The following LRP1B variants were observed in gnomAD, a reference collection of about 807,000 sequenced individuals.
LRP1B encodes low-density lipoprotein receptor-related protein 1B.
In LRP1B, 217 loss-of-function variants were observed where a neutral mutation model predicts 556.6. That is an observed-to-expected ratio of 0.39 (90% CI 0.35 to 0.44). The LOEUF is 0.44. Ranked by LOEUF, LRP1B falls within the 20% of genes least tolerant of loss-of-function variation. The pLI, the probability that LRP1B is intolerant of heterozygous loss-of-function variation, is 1.00. For missense variants in LRP1B, 5,053 were observed against 5,620.8 expected (o/e 0.90, Z 3.23); for synonymous variants, 2,047 against 1,865.8 (o/e 1.10, Z -2.50).
At chr2:141,361,138 T>C (rs958371099) in intron 3 of LRP1B, among the ~76,000 whole-genome samples, 1 of 152,110 alleles carries the variant, frequency 6.6e-6, no homozygotes, top group Admixed American at 6.5e-5. Flanking sequence ...CACCAAACTA[T>C]ATGAAAGTTT....
chr2:140,395,688 A>T (rs1684217238), intron 66 of LRP1B, among the ~76,000 whole-genome samples: 1 of 152,214 alleles, frequency 6.6e-6, no homozygotes, highest in East Asian at 1.9e-4. Context: ...ATTGCCAATG[A>T]CATATTTTCT....
intron 2 of LRP1B, among the ~76,000 whole-genome samples, chr2:141,524,119 C>A (rs1684614656): frequency 6.6e-6 from 1 of 152,092 alleles, no homozygotes; most frequent in Non-Finnish European, 1.5e-5. Flanking sequence ...GTGAACTTAA[C>A]TTTCCTCCAC....
chr2:142,049,280 G>A (rs1704364598), intron 1 of LRP1B, among the ~76,000 whole-genome samples: 1 of 152,034 alleles, frequency 6.6e-6, no homozygotes, highest in Non-Finnish European at 1.5e-5. Context: ...CTAGCACAGA[G>A]ATTAAAAAAT....
chr2:141,286,279 A>C lies in LRP1B; in HGVS notation c.344-31638T>G, dbSNP rs546921756. 8.1e-4 allele frequency among the ~76,000 whole-genome samples: 124 copies of C among 152,248 alleles called. 1 individual carries two copies. The highest frequency in any genetic ancestry group is 6.4e-3 in the South Asian group (31 of 4,826). ...ATTGTATAATAATTTTCACATTTAA[A>C]GTCAACCTTGCTTTCCTAAGCTAAA... On this transcript the variant is annotated intron_variant, in intron 3 of 90. Coordinates refer to ENST00000389484, the MANE Select transcript of LRP1B (RefSeq NM_018557.3).
At chr2:140,777,203 G>A (rs1689528859) in intron 32 of LRP1B, among the ~76,000 whole-genome samples, 1 of 152,104 alleles carries the variant, frequency 6.6e-6, no homozygotes, top group South Asian at 2.1e-4. Flanking sequence ...TTAAAATAAG[G>A]TTATTTAACT....
chr2:140,568,890 G>T (rs1422194523), intron 43 of LRP1B, among the ~76,000 whole-genome samples: 1 of 151,906 alleles, frequency 6.6e-6, no homozygotes. Context: ...GCCAAGAAAA[G>T]CTAACCTTTA....
chr2:140,989,502 A>G (rs1697023749), intron 17 of LRP1B, 30 bp downstream of exon 17: 3 of 1,611,028 alleles, frequency 1.9e-6, no homozygotes, highest in Non-Finnish European at 2.5e-6. Context: ...TTTGGAGGAG[A>G]TTTACGTGTA....
chr2:141,209,014 A>T (rs1682422954), intron 6 of LRP1B, among the ~76,000 whole-genome samples: 1 of 151,952 alleles, frequency 6.6e-6, no homozygotes, highest in South Asian at 2.1e-4. Flanking sequence ...GGATGCTAAT[A>T]TGTATTAGAT....
intron 5 of LRP1B, among the ~76,000 whole-genome samples, chr2:141,243,419 C>A (rs1409160886): frequency 2.6e-5 from 4 of 151,984 alleles, no homozygotes; most frequent in African/African-American, 9.7e-5. Flanking sequence ...AAGTTTGCGG[C>A]TGCAGTGAGC....
At chr2:141,323,482 A>C (rs1206063805) in intron 3 of LRP1B, among the ~76,000 whole-genome samples, 1 of 152,108 alleles carries the variant, frequency 6.6e-6, no homozygotes, top group African/African-American at 2.4e-5. Flanking sequence ...CTTGTCATGT[A>C]AGATTAATTT....
At chr2:140,485,675 T>C (rs991882806) in intron 58 of LRP1B, 151 bp from the exon 59 acceptor site, 12 of 550,740 alleles carry the variant, frequency 2.2e-5, no homozygotes, top group Non-Finnish European at 3.4e-5. Context: ...GCAATACAAT[T>C]ACTTACTTGT....
chr2:140,748,793 T>G lies in LRP1B; in HGVS notation c.5758+20420A>C, dbSNP rs7609224. Reference sequence around the variant, plus strand: ...TATATAATATGTATATAATATATATTATATACATATTATATACATGTATAT... The same window carrying G: ...TATATAATATGTATATAATATATATGATATACATATTATATACATGTATAT... On this transcript the variant is annotated intron_variant, in intron 35 of 90. Transcript: ENST00000389484. Among the ~76,000 whole-genome samples the G allele has an allele frequency of 4.4e-3, 419 of 95,140 alleles. 6 individuals carry two copies. Among genetic ancestry groups the G allele is most frequent in the African/African-American group, 0.017 (382 of 22,650 alleles). 62.4% of individuals were successfully genotyped at this position (95,140 alleles called of 152,430 possible). A position where few individuals can be genotyped will look rare whatever the true frequency, so the allele number is the denominator to read the frequency against.
intron 1 of LRP1B, among the ~76,000 whole-genome samples, chr2:141,882,569 G>A (rs1395994048): frequency 2.6e-5 from 4 of 152,140 alleles, no homozygotes; most frequent in Non-Finnish European, 5.9e-5. Context: ...GTTATACCAA[G>A]CACCCAATAA....
intron 35 of LRP1B, among the ~76,000 whole-genome samples, chr2:140,743,501 C>T (rs890076386): frequency 1.3e-5 from 2 of 152,138 alleles, no homozygotes; most frequent in Admixed American, 6.5e-5. Flanking sequence ...ATTTCTTAAC[C>T]TGTCTTGTGT....
intron 1 of LRP1B, among the ~76,000 whole-genome samples, chr2:141,851,584 G>A (rs1039725325): frequency 4.0e-5 from 6 of 151,638 alleles, no homozygotes; most frequent in African/African-American, 1.5e-4. Context: ...AGATTTCCCA[G>A]GAAATACTCA....
chr2:140,744,464 G>T (rs1425821000), intron 35 of LRP1B, among the ~76,000 whole-genome samples: 1 of 152,118 alleles, frequency 6.6e-6, no homozygotes, highest in Admixed American at 6.6e-5. Flanking sequence ...CATACATATG[G>T]TCTAAGAAGC....
At chr2:141,758,674 G>A (rs1270334952) in intron 2 of LRP1B, among the ~76,000 whole-genome samples, 1 of 151,934 alleles carries the variant, frequency 6.6e-6, no homozygotes, top group Non-Finnish European at 1.5e-5. Context: ...ATATAAAAAT[G>A]GGACAAAAAG....
intron 6 of LRP1B, among the ~76,000 whole-genome samples, chr2:141,209,107 T>C (rs958288346): frequency 6.6e-6 from 1 of 151,968 alleles, no homozygotes; most frequent in African/African-American, 2.4e-5. Context: ...AACAAGAAAG[T>C]ATTCAGTACT....
chr2:142,119,717 T>C (rs552839829), intron 1 of LRP1B, among the ~76,000 whole-genome samples: 2 of 152,252 alleles, frequency 1.3e-5, no homozygotes, highest in South Asian at 4.1e-4. Context: ...CTTTCCATCA[T>C]TTTTATAGTA....
Sources: gnomAD v4.1 joint callset for allele counts (sites outside exome capture counted in the v4.1 genomes callset) on GRCh38, gnomAD v4.1.1 for gene constraint, MANE v1.5 for transcripts, NCBI Gene and HGNC (gene_info 2026-07-23, HGNC 2026-07-21) for gene names.